Variants in NLRP8 observed in about 807,000 individuals in gnomAD.
NLRP8 encodes NLR family pyrin domain containing 8, also known as NACHT, LRR and PYD domains-containing protein 8.
Under a neutral mutation model 88.7 loss-of-function variants are expected in NLRP8, and 86 were observed. The ratio of observed to expected loss-of-function variants is 0.97; its 90% CI spans 0.81 to 1.16. NLRP8 has a LOEUF of 1.16. NLRP8 is among the 50% of genes most tolerant of loss of function. The pLI is 0.00. For synonymous variants in NLRP8, 504 were observed against 494.6 expected (o/e 1.02, Z -0.25); for missense variants, 1,342 against 1,286.5 (o/e 1.04, Z -0.66).
chr19:55,950,167 T>C (rs1979026431), intron 1 of NLRP8, among the ~76,000 whole-genome samples: 1 of 150,460 alleles, frequency 6.6e-6, no homozygotes, highest in South Asian at 2.1e-4. Flanking sequence ...TCCCAGCACT[T>C]TGGGAGGCAG....
chr19:55,962,069 C>T lies in NLRP8; in HGVS notation c.2045C>T (p.Ala682Val), dbSNP rs1445549378. The T allele has an allele frequency of 1.3e-5, 21 of 1,613,402 alleles. No individual in the cohort carries two copies. The highest frequency in any genetic ancestry group is 6.7e-5 in the East Asian group (3 of 44,888). Residue 682 changes from alanine to valine, a missense_variant and splice_region_variant, in exon 4 of 10, where the codon GCG becomes GTG. Transcript: ENST00000291971. ...TCTCTCTTCTCCCTTCCATGTAGAG[C>T]GCCAGAGAGCAATGGGCTGCATCGT...
rs915910609 is a variant in NLRP8 at position 55,988,161 on chromosome 19, G to C, written c.*248G>C. ...TAACCCAGCACTATGGGAGGTCGAG[G>C]TGGGCAGATTACCTGAGGTCAGGAG... On this transcript the variant is annotated 3_prime_UTR_variant, in exon 10 of 10. Transcript: ENST00000291971. 1 of 281,616 alleles carries C rather than the reference G, an allele frequency of 3.6e-6. No individual in the cohort carries two copies. Among genetic ancestry groups the C allele is most frequent in the Admixed American group, 4.9e-5 (1 of 20,314 alleles). 17.4% of individuals were successfully genotyped at this position (281,616 alleles called of 1,614,324 possible).
chr19:55,958,738 T>TG (rs1568461357), intron 3 of NLRP8, among the ~76,000 whole-genome samples: 1 of 152,206 alleles, frequency 6.6e-6, no homozygotes. Flanking sequence ...TTTGTAGAGA[T>TG]GGGGGTCTCA....
In NLRP8 at chr19:55,954,843, A is replaced by G; in HGVS notation, c.785A>G (p.Gln262Arg). Residue 262 changes from glutamine to arginine, a missense_variant, in exon 3 of 10, where the codon CAA (glutamine) becomes CGA (arginine). Gln to Arg is a conservative substitution (Grantham distance 43, BLOSUM62 1). Transcript: ENST00000291971. ...CAGAGCTTCTCCGAGCTGATTGAGC[A>G]AAAGTGGCCTGGATCTCAGGACCTC... 6.2e-7 allele frequency: 1 copy of G among 1,614,184 alleles called. No homozygotes were observed.
intron 8 of NLRP8, among the ~76,000 whole-genome samples, chr19:55,977,493 T>C (rs1048096344): frequency 6.9e-6 from 1 of 145,524 alleles, no homozygotes; most frequent in Admixed American, 7.1e-5. Flanking sequence ...ACATAATTTA[T>C]ATTATATAAA....
At position 55,979,481 on chromosome 19, in the gene NLRP8, G is replaced by A. The variant is rs775312845; in HGVS notation, c.2964G>A (p.Leu988=). The A allele has an allele frequency of 1.5e-5, 24 of 1,614,108 alleles. No homozygotes were observed. The change falls in exon 9 of 10, where the codon TTG becomes TTA. Residue 988 remains leucine, a synonymous_variant. Coordinates refer to ENST00000291971, the MANE Select transcript of NLRP8 (RefSeq NM_176811.2). ...ACCAACATCTGAGACATCTGGACTT[G>A]AGCAAGAATGCGATTGGAGTCTATG...
Position 55,977,217 on chromosome 19 carries a change from A to ATG in NLRP8, c.2876+915_2876+916insGT, listed in dbSNP as rs1421049674. Among the ~76,000 whole-genome samples the ATG allele has an allele frequency of 8.2e-4, 3 of 3,676 alleles. No homozygotes were observed. In the South Asian group the frequency reaches 0.052, roughly 63 times the overall value. 2.4% of individuals were successfully genotyped at this position (3,676 alleles called of 152,430 possible). A position where few individuals can be genotyped will look rare whatever the true frequency, so the allele number is the denominator to read the frequency against. On this transcript the variant is annotated intron_variant, in intron 8 of 9. Transcript: ENST00000291971. Reference sequence around the variant, plus strand: ...GTATATAAAGATACATAAGATACATATATATATATATGTATATAAAGATAC... The same window carrying ATG: ...GTATATAAAGATACATAAGATACATATGTATATATATATGTATATAAAGATAC...
chr19:55,983,463 C>CAAAAAAAA (rs3974175), intron 9 of NLRP8, among the ~76,000 whole-genome samples: 7 of 85,328 alleles, frequency 8.2e-5, no homozygotes, highest in African/African-American at 3.5e-4. Flanking sequence ...GACTCCATCT[C>CAAAAAAAA]AAAAAAAAAA....
At chr19:55,976,083 T>TG in intron 7 of NLRP8, 50 bp from the exon 8 acceptor site, 1 of 1,403,872 alleles carries the variant, frequency 7.1e-7, no homozygotes, top group Non-Finnish European at 9.5e-7. Flanking sequence ...GTTGTTGTTG[T>TG]TTTGTTGTAG....
chr19:55,957,676 TATA>T (rs1979427884), intron 3 of NLRP8, among the ~76,000 whole-genome samples: 5 of 2,100 alleles, frequency 2.4e-3, no homozygotes, highest in African/African-American at 3.4e-3. Context: ...ATAATAATTA[TATA>T]TATATATATA....
rs1286642826 is a variant in NLRP8, at chr19:55,948,008, C to G, written c.106C>G (p.Pro36Ala). 1 of 1,614,110 alleles carries G rather than the reference C, an allele frequency of 6.2e-7. No homozygotes were observed. The highest frequency in any genetic ancestry group is 8.5e-7 in the Non-Finnish European group (1 of 1,180,040). ...GACATTCTCTTGCTACCCCGGCTCC[C>G]CATGTGAAAATGGGGTCATGCTGTA... Residue 36 changes from proline (P) to alanine (A), a missense_variant, in exon 1 of 10, where the codon CCA (proline) becomes GCA (alanine). Physicochemically the swap from Pro to Ala is conservative, Grantham distance 27. Coordinates refer to ENST00000291971, the MANE Select transcript of NLRP8 (RefSeq NM_176811.2).
At chr19:55,972,613 G>A (rs1242504525) in intron 6 of NLRP8, among the ~76,000 whole-genome samples, 1 of 151,342 alleles carries the variant, frequency 6.6e-6, no homozygotes, top group African/African-American at 2.4e-5. Flanking sequence ...CCAAAGTCCA[G>A]TCTGTCATTC....
intron 5 of NLRP8, among the ~76,000 whole-genome samples, 160 bp downstream of exon 5, chr19:55,966,540 C>T (rs1002912170): frequency 3.1e-4 from 47 of 152,102 alleles, no homozygotes; most frequent in African/African-American, 1.1e-3. Context: ...CGGTGGCTCA[C>T]GACTGTAATC....
intron 1 of NLRP8, among the ~76,000 whole-genome samples, chr19:55,949,248 C>A (rs1392597835): frequency 6.6e-6 from 1 of 151,008 alleles, no homozygotes; most frequent in Non-Finnish European, 1.5e-5. Flanking sequence ...TATTTTTTTT[C>A]TATTTTGAGA....
At chr19:55,976,070 G>A in intron 7 of NLRP8, 63 bp from the exon 8 acceptor site, 1 of 1,358,590 alleles carries the variant, frequency 7.4e-7, no homozygotes. Context: ...TTTCGTTGTT[G>A]TTGTTGTTGT....
chr19:55,948,231 G>A lies in NLRP8; in HGVS notation c.329G>A (p.Cys110Tyr), dbSNP rs765636430. 1.2e-6 allele frequency: 2 copies of A among 1,614,038 alleles called. No homozygotes were observed. The highest frequency in any genetic ancestry group is 2.2e-5 in the East Asian group (1 of 44,872). ...TCGAACATCTTTGCCATTATGAACTGTGATAAAATGTGTGTTGTAGTCCGC... is the reference window on the plus strand; with the variant it reads ...TCGAACATCTTTGCCATTATGAACTATGATAAAATGTGTGTTGTAGTCCGC... Residue 110 changes from cysteine to tyrosine, a missense_variant, in exon 1 of 10, where the codon TGT (cysteine) becomes TAT (tyrosine). Coordinates refer to ENST00000291971, the MANE Select transcript of NLRP8 (RefSeq NM_176811.2).
Position 55,987,885 on chromosome 19 carries a change from G to A in NLRP8, c.3119G>A (p.Ser1040Asn). Residue 1040 changes from serine to asparagine, a missense_variant, in exon 10 of 10, where the codon AGT becomes AAT. By Grantham distance (46) the Ser-to-Asn change is conservative. Coordinates refer to ENST00000291971, the MANE Select transcript of NLRP8 (RefSeq NM_176811.2). ...CACCCACCCGACTTCACGGGAAAAA[G>A]TGACTGCCTATCCCAGATTAATCCT... 1 of 1,613,948 alleles carries A rather than the reference G, an allele frequency of 6.2e-7. No homozygotes were observed. The highest frequency in any genetic ancestry group is 8.5e-7 in the Non-Finnish European group (1 of 1,179,904).
intron 2 of NLRP8, among the ~76,000 whole-genome samples, chr19:55,953,433 A>C (rs1979184422): frequency 1.3e-5 from 2 of 152,164 alleles, no homozygotes; most frequent in South Asian, 2.1e-4. Flanking sequence ...GGTCCATGGA[A>C]AACTTGTCTT....
chr19:55,979,345 T>G, intron 8 of NLRP8, 49 bp from the exon 9 acceptor site: 40 of 1,598,836 alleles, frequency 2.5e-5, no homozygotes, highest in Non-Finnish European at 3.4e-5. Flanking sequence ...AGCTCTCAGA[T>G]GAGTTGTGAT....
Sources: gnomAD v4.1 joint callset for allele counts (sites outside exome capture counted in the v4.1 genomes callset) on GRCh38, gnomAD v4.1.1 for gene constraint, MANE v1.5 for transcripts, NCBI Gene and HGNC (gene_info 2026-07-23, HGNC 2026-07-21) for gene names.